Variants in AATF observed in about 807,000 individuals in gnomAD.
AATF encodes the protein apoptosis antagonizing transcription factor, also known as protein AATF.
A neutral mutation model predicts 63.7 loss-of-function variants in AATF; 48 were observed. That is an observed-to-expected ratio of 0.75 (90% CI 0.60 to 0.96). The LOEUF (loss-of-function observed/expected upper bound fraction) is 0.96. Among genes scored for constraint, AATF ranks in the 40% least tolerant of loss-of-function variants. The pLI is 0.00. For synonymous variants in AATF, 258 were observed against 247.7 expected, an observed-to-expected ratio of 1.04 and a Z score of -0.39; for missense variants, 639 against 685.7, an observed-to-expected ratio of 0.93 and a Z score of 0.76.
intron 9 of AATF, 37 bp downstream of exon 9, chr17:37,019,109 C>G: frequency 6.4e-7 from 1 of 1,555,240 alleles, no homozygotes; most frequent in Non-Finnish European, 8.9e-7. Flanking sequence ...TGCAAGCAGC[C>G]TATGTAATAG....
chr17:36,986,862 G>A, intron 5 of AATF, 131 bp downstream of exon 5: 1 of 702,776 alleles, frequency 1.4e-6, no homozygotes, highest in Admixed American at 2.9e-5. Context: ...ATATTTACCT[G>A]ATGGTCAGGA....
intron 1 of AATF, 62 bp from the exon 2 acceptor site, chr17:36,950,152 G>C (rs2070841844): frequency 6.4e-7 from 1 of 1,560,230 alleles, no homozygotes; most frequent in African/African-American, 1.4e-5. Context: ...GGTCGACCAG[G>C]GTTCCCGTTA....
At chr17:36,960,678 G>GTTC (rs1187566492) in intron 4 of AATF, among the ~76,000 whole-genome samples, 2 of 152,110 alleles carry the variant, frequency 1.3e-5, no homozygotes, top group Non-Finnish European at 2.9e-5. Flanking sequence ...TTCTCACAAT[G>GTTC]TTCTGTAGAA....
At chr17:36,974,329 T>G (rs1323703863) in intron 4 of AATF, among the ~76,000 whole-genome samples, 4 of 152,196 alleles carry the variant, frequency 2.6e-5, no homozygotes, top group Admixed American at 1.3e-4. Flanking sequence ...TCTATAGCAT[T>G]ATTTTTAATG....
intron 8 of AATF, among the ~76,000 whole-genome samples, chr17:37,005,814 G>A (rs903056636): frequency 6.6e-6 from 1 of 152,092 alleles, no homozygotes; most frequent in African/African-American, 2.4e-5. Flanking sequence ...TCTGTACATT[G>A]TTACTTTTAG....
chr17:36,977,892 C>T (rs1457507050), intron 4 of AATF, among the ~76,000 whole-genome samples: 1 of 152,148 alleles, frequency 6.6e-6, no homozygotes, highest in Non-Finnish European at 1.5e-5. Flanking sequence ...TAGTAGATTT[C>T]AGGAAGTACA....
rs374540075 is a variant in AATF at position 37,056,615 on chromosome 17, G to A, written c.1634G>A (p.Arg545His). The change falls in exon 12 of 12, where the codon CGC (arginine) becomes CAC (histidine). Residue 545 changes from arginine (R) to histidine (H), a missense_variant. Physicochemically the swap from Arg to His is conservative, Grantham distance 29. Coordinates refer to ENST00000619387, the MANE Select transcript of AATF (RefSeq NM_012138.4). ...TTGTCTTTTAGGACAGAACTGTACC[G>A]CTCTCTTTTTGGCCAGCTCCACCCT... ...MNDDARTELY[R>H]SLFGQLHPPD... 49 of 1,614,140 alleles carry A rather than the reference G, an allele frequency of 3.0e-5. No homozygotes were observed. In the African/African-American group the frequency reaches 3.1e-4, roughly 10 times the overall value.
chr17:36,950,580 A>T (rs1278684235), intron 2 of AATF, among the ~76,000 whole-genome samples, 175 bp downstream of exon 2: 2 of 151,938 alleles, frequency 1.3e-5, no homozygotes, highest in South Asian at 2.1e-4. Flanking sequence ...GCTCACCGCA[A>T]CCTCCACCTC....
At chr17:37,038,545 G>A (rs1294829739) in intron 11 of AATF, among the ~76,000 whole-genome samples, 1 of 152,178 alleles carries the variant, frequency 6.6e-6, no homozygotes, top group East Asian at 1.9e-4. Context: ...CTGCTTCAAG[G>A]AGAGGATATT....
At chr17:36,996,225 A>G (rs1292268937) in intron 8 of AATF, among the ~76,000 whole-genome samples, 1 of 152,124 alleles carries the variant, frequency 6.6e-6, no homozygotes, top group African/African-American at 2.4e-5. Flanking sequence ...TGAGCCCAGG[A>G]GTTTGAGACT....
At chr17:36,957,337 G>A (rs1271514028) in intron 4 of AATF, among the ~76,000 whole-genome samples, 1 of 152,140 alleles carries the variant, frequency 6.6e-6, no homozygotes, top group Admixed American at 6.5e-5. Context: ...TGAATGTTAG[G>A]TACTAATATT....
At chr17:37,031,171 G>T (rs903915187) in intron 10 of AATF, among the ~76,000 whole-genome samples, 2 of 150,760 alleles carry the variant, frequency 1.3e-5, no homozygotes, top group African/African-American at 2.5e-5. Flanking sequence ...AAATATTCAG[G>T]CATGGGGAAA....
intron 1 of AATF, 149 bp downstream of exon 1, chr17:36,949,365 C>T: frequency 1.4e-6 from 1 of 728,496 alleles, no homozygotes; most frequent in African/African-American, 1.9e-5. Flanking sequence ...GAGGGTGGTC[C>T]CGGCCTCGGG....
chr17:36,994,538 C>T (rs966729907), intron 8 of AATF, among the ~76,000 whole-genome samples: 1 of 152,218 alleles, frequency 6.6e-6, no homozygotes, highest in Non-Finnish European at 1.5e-5. Flanking sequence ...AAAAGCATTG[C>T]AGGATTTTAC....
chr17:36,989,008 A>G (rs73985330), intron 6 of AATF, among the ~76,000 whole-genome samples: 1,838 of 152,330 alleles, frequency 0.012, 38 homozygotes, highest in African/African-American at 0.042. Context: ...CAAAGCAATA[A>G]TTATTAAAGT....
chr17:37,021,090 A>AT lies in AATF; in HGVS notation c.1547+81dup, dbSNP rs2071466595. 3 of 1,103,718 alleles carry AT rather than the reference A, an allele frequency of 2.7e-6. No individual in the cohort carries two copies. In the South Asian group the frequency reaches 5.4e-5, roughly 20 times the overall value. 68.4% of individuals were successfully genotyped at this position (1,103,718 alleles called of 1,614,324 possible). A position where few individuals can be genotyped will look rare whatever the true frequency, so the allele number is the denominator to read the frequency against. ...TCTCTTACATTCTGGCTGTTATGTC[A>AT]TTTTTCTTTTTCTTCTGATGATTCT... On this transcript the variant is annotated intron_variant, in intron 10 of 11. Coordinates refer to ENST00000619387, the MANE Select transcript of AATF (RefSeq NM_012138.4).
intron 8 of AATF, among the ~76,000 whole-genome samples, chr17:37,014,271 T>TAAC (rs924733594): frequency 1.0e-5 from 1 of 96,232 alleles, no homozygotes; most frequent in African/African-American, 5.2e-5. Flanking sequence ...GTCTTAGTAA[T>TAAC]AATAATAATA....
intron 4 of AATF, chr17:36,980,072 C>A (rs1264894357): frequency 6.6e-6 from 1 of 151,972 alleles, no homozygotes; most frequent in Non-Finnish European, 1.5e-5. Flanking sequence ...TCTAAAATGC[C>A]TTAATATATA....
At chr17:37,031,730 C>A in intron 11 of AATF, 45 bp downstream of exon 11, 1 of 1,479,016 alleles carries the variant, frequency 6.8e-7, no homozygotes, top group Non-Finnish European at 9.5e-7. Context: ...TTCATGACAG[C>A]CTGATATTGA....
Sources: gnomAD v4.1 joint callset for allele counts (sites outside exome capture counted in the v4.1 genomes callset) on GRCh38, gnomAD v4.1.1 for gene constraint, MANE v1.5 for transcripts, NCBI Gene and HGNC (gene_info 2026-07-23, HGNC 2026-07-21) for gene names.